TMX3: variants seen among roughly 807,000 people sequenced by gnomAD.
TMX3 encodes protein disulfide-isomerase TMX3.
TMX3 carries 40 observed loss-of-function variants against 64.4 expected under a neutral mutation model. That is an observed-to-expected ratio of 0.62 (90% CI 0.48 to 0.81). The LOEUF is 0.81. Among genes scored for constraint, TMX3 ranks in the 30% least tolerant of loss-of-function variants. The pLI is 0.00. For synonymous variants in TMX3, 189 were observed against 175.7 expected, an observed-to-expected ratio of 1.08 and a Z score of -0.60; for missense variants, 497 against 534.5, an observed-to-expected ratio of 0.93 and a Z score of 0.69.
chr18:68,705,023 T>C (rs2030523214), intron 4 of TMX3, among the ~76,000 whole-genome samples: 1 of 152,258 alleles, frequency 6.6e-6, no homozygotes, highest in Non-Finnish European at 1.5e-5. Context: ...TAGTATTTAC[T>C]GAATGTCACT....
chr18:68,706,766 ATGTC>A (rs1416347811), intron 4 of TMX3, among the ~76,000 whole-genome samples: 3 of 152,336 alleles, frequency 2.0e-5, no homozygotes, highest in African/African-American at 7.2e-5. Flanking sequence ...TTCTACTAAA[ATGTC>A]TGTATTTCAA....
At position 68,677,179 on chromosome 18, in the gene TMX3, G is replaced by A; in HGVS notation, c.1119C>T (p.Ser373=). The A allele has an allele frequency of 6.2e-7, 1 of 1,613,522 alleles. No homozygotes were observed. Among genetic ancestry groups the A allele is most frequent in the Non-Finnish European group, 8.5e-7 (1 of 1,179,626 alleles). ...AGAGAAAGCAGCCCATCAGTGGTGA[G>A]CTCTTGAATATAGACTGTGGAAAGA... ...AKSTIVSIFK[S]SPLMGCFLFG... Residue 373 remains serine (S), a synonymous_variant, in exon 16 of 16, where the codon AGC becomes AGT. Coordinates refer to ENST00000299608, the MANE Select transcript of TMX3 (RefSeq NM_019022.5).
chr18:68,712,625 C>T (rs976943360), intron 2 of TMX3, among the ~76,000 whole-genome samples: 1 of 152,098 alleles, frequency 6.6e-6, no homozygotes, highest in Non-Finnish European at 1.5e-5. Context: ...TTATTAGGAG[C>T]AGAATCCCTT....
chr18:68,687,835 T>C, intron 9 of TMX3, 70 bp from the exon 10 acceptor site: 2 of 1,185,626 alleles, frequency 1.7e-6, no homozygotes, highest in Non-Finnish European at 2.4e-6. Flanking sequence ...AGCTTTAATC[T>C]GATAATAGGT....
chr18:68,679,900 C>T (rs1913257139), intron 14 of TMX3, among the ~76,000 whole-genome samples: 1 of 152,030 alleles, frequency 6.6e-6, no homozygotes, highest in African/African-American at 2.4e-5. Flanking sequence ...GGAGAGCTTC[C>T]CTGAGGATGA....
At chr18:68,706,925 A>G (rs2030734089) in intron 4 of TMX3, among the ~76,000 whole-genome samples, 1 of 152,232 alleles carries the variant, frequency 6.6e-6, no homozygotes, top group Non-Finnish European at 1.5e-5. Flanking sequence ...CTTGGTGCTA[A>G]TATTTAAGTG....
chr18:68,695,439 T>A (rs775246504), intron 8 of TMX3, among the ~76,000 whole-genome samples: 11 of 152,218 alleles, frequency 7.2e-5, no homozygotes, highest in Non-Finnish European at 1.5e-4. Flanking sequence ...TCCAACTGCT[T>A]ATTTGATGCT....
intron 8 of TMX3, among the ~76,000 whole-genome samples, chr18:68,696,130 T>C (rs1009857659): frequency 2.0e-5 from 3 of 152,156 alleles, no homozygotes; most frequent in African/African-American, 7.2e-5. Flanking sequence ...CCCACTCCTA[T>C]TTGCCCCAAC....
intron 12 of TMX3, among the ~76,000 whole-genome samples, chr18:68,683,296 C>T (rs954139239): frequency 4.0e-5 from 6 of 151,884 alleles, no homozygotes; most frequent in African/African-American, 7.3e-5. Flanking sequence ...AAGAAAAATT[C>T]CTATTTTCTC....
intron 10 of TMX3, chr18:68,687,073 T>C (rs968749375): frequency 3.1e-6 from 3 of 982,182 alleles, no homozygotes; most frequent in South Asian, 4.7e-5. Flanking sequence ...TGGAAACAAA[T>C]GTGGCACCAA....
In TMX3 at chr18:68,711,404, CT is replaced by C; in HGVS notation, c.102-2del. The C allele has an allele frequency of 6.3e-7, 1 of 1,583,394 alleles. No individual in the cohort carries two copies. The highest frequency in any genetic ancestry group is 1.1e-5 in the South Asian group (1 of 87,464). ...GTCATCATTTCGATTTTCTTTAAAC[CT>C]AAAAAACAAGAAAACAAATGTTTGA... On this transcript the variant is annotated splice_acceptor_variant, in intron 2 of 15. Transcript: ENST00000299608. LOFTEE classifies it high-confidence loss of function.
chr18:68,700,584 A>ATATAT, intron 5 of TMX3, 99 bp from the exon 6 acceptor site: 1 of 1,041,674 alleles, frequency 9.6e-7, no homozygotes, highest in Non-Finnish European at 1.3e-6. Flanking sequence ...TATTACATAA[A>ATATAT]ATAGTAAATG....
chr18:68,700,682 T>C, intron 5 of TMX3, 197 bp from the exon 6 acceptor site: 1 of 933,210 alleles, frequency 1.1e-6, no homozygotes, highest in East Asian at 1.2e-4. Flanking sequence ...AAAGAGGCTG[T>C]ATTCTATTAA....
intron 4 of TMX3, among the ~76,000 whole-genome samples, chr18:68,708,558 C>A (rs1057204699): frequency 6.6e-6 from 1 of 152,038 alleles, no homozygotes; most frequent in Admixed American, 6.6e-5. Flanking sequence ...TCTACTGTCA[C>A]CACCCACAAC....
At chr18:68,688,661 T>G (rs1455046553) in intron 9 of TMX3, 1 of 152,208 alleles carries the variant, frequency 6.6e-6, no homozygotes, top group Non-Finnish European at 1.5e-5. Context: ...AATGCAAATC[T>G]CAAAGAATTT....
chr18:68,698,712 TATC>T (rs576188524), intron 6 of TMX3, among the ~76,000 whole-genome samples: 123 of 152,050 alleles, frequency 8.1e-4, no homozygotes, highest in African/African-American at 2.9e-3. Context: ...AATTATAAAA[TATC>T]ATTAAAAAAC....
chr18:68,695,769 T>C (rs1313611407), intron 8 of TMX3, among the ~76,000 whole-genome samples: 1 of 152,234 alleles, frequency 6.6e-6, no homozygotes, highest in Non-Finnish European at 1.5e-5. Flanking sequence ...GATCTACGCA[T>C]ACCTATCTAA....
In TMX3 at chr18:68,684,409, C is replaced by T; in HGVS notation, c.794+19G>A. ...TGAAATGAACATTTGAAGCTTAAAA[C>T]TATATCAAGGCATTATACCTGGTAT... On this transcript the variant is annotated intron_variant, in intron 11 of 15. Transcript: ENST00000299608. 3.1e-6 allele frequency: 5 copies of T among 1,607,712 alleles called. 1 individual carries two copies. Among genetic ancestry groups the T allele is most frequent in the Middle Eastern group, 1.7e-4 (1 of 6,036 alleles).
intron 4 of TMX3, among the ~76,000 whole-genome samples, chr18:68,708,454 T>C (rs777813544): frequency 7.1e-6 from 1 of 141,686 alleles, no homozygotes; most frequent in African/African-American, 3.0e-5. Flanking sequence ...TCTCACACTA[T>C]TATTGTTTTC....
Sources: gnomAD v4.1 joint callset for allele counts (sites outside exome capture counted in the v4.1 genomes callset) on GRCh38, gnomAD v4.1.1 for gene constraint, MANE v1.5 for transcripts, NCBI Gene and HGNC (gene_info 2026-07-23, HGNC 2026-07-21) for gene names.